NTRK2: variants seen among roughly 807,000 people sequenced by gnomAD.
NTRK2 encodes the protein BDNF/NT-3 growth factors receptor.
NTRK2 carries 13 observed loss-of-function variants against 94.5 expected under a neutral mutation model. The ratio of observed to expected loss-of-function variants is 0.14; its 90% CI spans 0.09 to 0.22. NTRK2 has a LOEUF of 0.22. NTRK2 is among the 10% of genes least tolerant of loss of function. NTRK2 has a pLI of 1.00. For missense variants in NTRK2, 639 were observed against 1,071.2 expected, an observed-to-expected ratio of 0.60 and a Z score of 5.63; for synonymous variants, 372 against 407.4, an observed-to-expected ratio of 0.91 and a Z score of 1.05.
intron 14 of NTRK2, among the ~76,000 whole-genome samples, chr9:84,901,689 T>TA (rs2132403196): frequency 6.6e-6 from 1 of 152,250 alleles, no homozygotes; most frequent in South Asian, 2.1e-4. Context: ...CTGCACCTCC[T>TA]AAAATGCAAT....
chr9:84,847,330 T>C (rs1455783773), intron 12 of NTRK2, among the ~76,000 whole-genome samples: 1 of 152,222 alleles, frequency 6.6e-6, no homozygotes, highest in Non-Finnish European at 1.5e-5. Context: ...GCCCAATCCC[T>C]GTGTTAGTTT....
chr9:84,858,023 A>G (rs1193266235), intron 12 of NTRK2, among the ~76,000 whole-genome samples: 1 of 152,104 alleles, frequency 6.6e-6, no homozygotes, highest in Non-Finnish European at 1.5e-5. Context: ...GGGCAGCATA[A>G]CCACATACTT....
At chr9:84,963,596 G>A (rs558450703) in intron 17 of NTRK2, among the ~76,000 whole-genome samples, 1 of 152,174 alleles carries the variant, frequency 6.6e-6, no homozygotes, top group Non-Finnish European at 1.5e-5. Context: ...TATATTTATT[G>A]TGCTTGGACT....
intron 4 of NTRK2, among the ~76,000 whole-genome samples, chr9:84,705,586 C>A (rs528230319): frequency 6.6e-6 from 1 of 152,164 alleles, no homozygotes; most frequent in South Asian, 2.1e-4. Flanking sequence ...ACAGGGAGAC[C>A]CTTCACCCTA....
chr9:84,693,239 A>G (rs2060163561), intron 2 of NTRK2, among the ~76,000 whole-genome samples: 1 of 152,224 alleles, frequency 6.6e-6, no homozygotes, highest in East Asian at 1.9e-4. Flanking sequence ...AGATTTACCC[A>G]TCATGCTACT....
chr9:84,944,421 C>T (rs2078527306), intron 15 of NTRK2, among the ~76,000 whole-genome samples: 1 of 152,120 alleles, frequency 6.6e-6, no homozygotes, highest in African/African-American at 2.4e-5. Flanking sequence ...AGCCACCATG[C>T]CTGGCCCAAT....
rs2077454712 is a variant in NTRK2 at position 84,918,200 on chromosome 9, A to G, written c.1634-15962A>G. On this transcript the variant is annotated intron_variant, in intron 14 of 18. Coordinates refer to ENST00000277120, the MANE Select transcript of NTRK2 (RefSeq NM_006180.6). ...GGGCTTCACATAACAGGTGCTGGAA[A>G]GGCAGTATCAGGAACCAAGACTCCA... is the stretch of plus-strand genomic sequence containing the variant. 1.3e-5 allele frequency among the ~76,000 whole-genome samples: 2 copies of G among 152,222 alleles called. 1 individual carries two copies. Among genetic ancestry groups the G allele is most frequent in the South Asian group, 4.1e-4 (2 of 4,834 alleles).
At chr9:84,774,311 C>T (rs894530883) in intron 12 of NTRK2, among the ~76,000 whole-genome samples, 4 of 152,228 alleles carry the variant, frequency 2.6e-5, no homozygotes, top group African/African-American at 7.2e-5. Flanking sequence ...GATGCTGCCC[C>T]GGCCAGTTTT....
At chr9:84,685,521 C>T (rs2059657885) in intron 2 of NTRK2, among the ~76,000 whole-genome samples, 1 of 152,058 alleles carries the variant, frequency 6.6e-6, no homozygotes, top group African/African-American at 2.4e-5. Context: ...ACAAAGATGG[C>T]ATTACACTTA....
At chr9:84,877,177 G>A (rs201471781) in intron 14 of NTRK2, 1 of 1,064,880 alleles carries the variant, frequency 9.4e-7, no homozygotes, top group Non-Finnish European at 1.1e-6. Flanking sequence ...TAAGTAAAGT[G>A]GATCTTAGCC....
chr9:84,887,920 C>G (rs769952810), intron 14 of NTRK2, among the ~76,000 whole-genome samples: 4 of 152,064 alleles, frequency 2.6e-5, no homozygotes, highest in Non-Finnish European at 4.4e-5. Flanking sequence ...GTTGTGGGGA[C>G]AAAAGTGACA....
intron 14 of NTRK2, among the ~76,000 whole-genome samples, chr9:84,870,458 T>C (rs2132101451): frequency 6.7e-6 from 1 of 148,946 alleles, no homozygotes; most frequent in Non-Finnish European, 1.5e-5. Flanking sequence ...TGACATAGCC[T>C]CCTGAGTAGC....
At chr9:84,811,789 C>T (rs1220236033) in intron 12 of NTRK2, 2 of 1,065,668 alleles carry the variant, frequency 1.9e-6, no homozygotes, top group Non-Finnish European at 1.1e-6. Flanking sequence ...TCTGCATCCC[C>T]CCTGAGTCTG....
chr9:84,750,707 A>G (rs2064514726), intron 11 of NTRK2, among the ~76,000 whole-genome samples: 1 of 152,212 alleles, frequency 6.6e-6, no homozygotes, highest in African/African-American at 2.4e-5. Context: ...AGCCTGAAGT[A>G]TTTACCATCT....
chr9:84,851,266 G>A (rs1015375314), intron 12 of NTRK2, among the ~76,000 whole-genome samples: 10 of 152,294 alleles, frequency 6.6e-5, no homozygotes, highest in African/African-American at 2.4e-4. Context: ...GGACCCTAAA[G>A]AGCACATTGG....
intron 17 of NTRK2, among the ~76,000 whole-genome samples, chr9:84,986,770 A>C (rs989078722): frequency 1.3e-5 from 2 of 152,266 alleles, no homozygotes; most frequent in South Asian, 4.1e-4. Flanking sequence ...TAAGGGAGAC[A>C]GAGCAGGAGA....
At chr9:84,965,013 T>G (rs543056643) in intron 17 of NTRK2, among the ~76,000 whole-genome samples, 1 of 152,334 alleles carries the variant, frequency 6.6e-6, no homozygotes, top group African/African-American at 2.4e-5. Flanking sequence ...AATTAAAGTT[T>G]CCCTGCCTAC....
intron 12 of NTRK2, among the ~76,000 whole-genome samples, chr9:84,825,283 C>G (rs915332162): frequency 1.6e-4 from 25 of 152,150 alleles, no homozygotes; most frequent in African/African-American, 5.8e-4. Context: ...GCTTCCACCC[C>G]CTGAGCCCCA....
intron 8 of NTRK2, 31 bp downstream of exon 8, chr9:84,724,387 T>C (rs1200951002): frequency 1.4e-5 from 22 of 1,613,828 alleles, no homozygotes; most frequent in Non-Finnish European, 1.8e-5. Flanking sequence ...GTGTTTTTAA[T>C]AGCAAATGAT....
Sources: gnomAD v4.1 joint callset for allele counts (sites outside exome capture counted in the v4.1 genomes callset) on GRCh38, gnomAD v4.1.1 for gene constraint, MANE v1.5 for transcripts, NCBI Gene and HGNC (gene_info 2026-07-23, HGNC 2026-07-21) for gene names.